The following STXBP6 variants were observed in gnomAD, a reference collection of about 807,000 sequenced individuals.
STXBP6 encodes the protein syntaxin binding protein 6.
STXBP6 carries 21 observed loss-of-function variants against 26.9 expected under a neutral mutation model. That is an observed-to-expected ratio of 0.78 (90% CI 0.55 to 1.12). The LOEUF (loss-of-function observed/expected upper bound fraction) is 1.12. Ranked by LOEUF, STXBP6 falls within the 50% of genes most tolerant of loss-of-function variation. The pLI is 0.00. For synonymous variants in STXBP6, 97 were observed against 92.6 expected (o/e 1.05, Z -0.27); for missense variants, 232 against 257.9 (o/e 0.90, Z 0.69).
At chr14:24,901,004 G>T (rs112863930) in intron 2 of STXBP6, among the ~76,000 whole-genome samples, 1,874 of 152,254 alleles carry the variant, frequency 0.012, 42 homozygotes, top group African/African-American at 0.043. Context: ...GTTACCGCTG[G>T]ACAGACTAAG....
intron 2 of STXBP6, among the ~76,000 whole-genome samples, chr14:24,935,023 G>A (rs534425117): frequency 3.4e-4 from 52 of 152,180 alleles, no homozygotes; most frequent in Non-Finnish European, 6.0e-4. Context: ...GTGGAAGAGG[G>A]GAATACGAAA....
intron 1 of STXBP6, among the ~76,000 whole-genome samples, chr14:24,984,480 A>G (rs1316642899): frequency 2.6e-5 from 4 of 152,214 alleles, no homozygotes; most frequent in Non-Finnish European, 5.9e-5. Flanking sequence ...AAGGCAAGAC[A>G]CTGTGCCCTT....
intron 1 of STXBP6, among the ~76,000 whole-genome samples, chr14:25,036,214 CAAAAAAAAA>C (rs559433301): frequency 5.7e-4 from 46 of 80,720 alleles, no homozygotes; most frequent in South Asian, 4.4e-3. Context: ...AAGACTCCAT[CAAAAAAAAA>C]AAAAAAAAAA....
intron 5 of STXBP6, chr14:24,817,171 T>C (rs1006682587): frequency 2.0e-5 from 3 of 152,178 alleles, no homozygotes; most frequent in Non-Finnish European, 2.9e-5. Context: ...TACTATTCCA[T>C]ATTGCTTTCC....
intron 2 of STXBP6, among the ~76,000 whole-genome samples, chr14:24,860,428 G>T (rs753678167): frequency 6.6e-6 from 1 of 152,026 alleles, no homozygotes; most frequent in Non-Finnish European, 1.5e-5. Context: ...CTCATATACC[G>T]CCAAGATTCA....
At chr14:24,877,349 T>C (rs969744584) in intron 2 of STXBP6, among the ~76,000 whole-genome samples, 2 of 152,146 alleles carry the variant, frequency 1.3e-5, no homozygotes, top group Non-Finnish European at 2.9e-5. Flanking sequence ...AAAAATAACA[T>C]ATTGAGACAT....
intron 2 of STXBP6, among the ~76,000 whole-genome samples, chr14:24,870,445 T>C (rs1301500860): frequency 6.6e-6 from 1 of 152,232 alleles, no homozygotes; most frequent in Non-Finnish European, 1.5e-5. Flanking sequence ...CTTCTGCCTA[T>C]GTAATCAAGG....
At position 24,857,158 on chromosome 14, in the gene STXBP6, C is replaced by T; in HGVS notation, c.155-1G>A. On this transcript the variant is annotated splice_acceptor_variant, in intron 2 of 5. Transcript: ENST00000323944. LOFTEE classifies it high-confidence loss of function. ...GCCTGTGTGGGTTTCTTGTTTGTCA[C>T]TGCCAAGAAAAGATCACTCAGATTA... The T allele has an allele frequency of 1.2e-6, 2 of 1,612,650 alleles. No individual in the cohort carries two copies. The highest frequency in any genetic ancestry group is 1.7e-6 in the Non-Finnish European group (2 of 1,179,014).
intron 2 of STXBP6, among the ~76,000 whole-genome samples, chr14:24,897,200 G>A (rs2071022395): frequency 6.6e-6 from 1 of 151,944 alleles, no homozygotes; most frequent in Non-Finnish European, 1.5e-5. Flanking sequence ...CACGAGGTCA[G>A]GAGATTGAGA....
chr14:24,977,766 A>G (rs1340196040), intron 1 of STXBP6, among the ~76,000 whole-genome samples: 2 of 152,228 alleles, frequency 1.3e-5, no homozygotes, highest in Non-Finnish European at 2.9e-5. Flanking sequence ...GAGTAAATGC[A>G]GCAATCTATA....
At chr14:25,040,401 A>G (rs79774600) in intron 1 of STXBP6, among the ~76,000 whole-genome samples, 9,796 of 152,272 alleles carry the variant, frequency 0.064, 406 homozygotes, top group East Asian at 0.17. Flanking sequence ...AGGCTGCTAC[A>G]TAGTACTGCA....
At chr14:24,916,231 G>C (rs973316919) in intron 2 of STXBP6, among the ~76,000 whole-genome samples, 2 of 151,986 alleles carry the variant, frequency 1.3e-5, no homozygotes, top group African/African-American at 4.8e-5. Context: ...AATGTAACTG[G>C]GCTTAAAGAA....
chr14:24,928,778 G>A (rs2072274706), intron 2 of STXBP6, among the ~76,000 whole-genome samples: 1 of 152,134 alleles, frequency 6.6e-6, no homozygotes, highest in Non-Finnish European at 1.5e-5. Context: ...AGGTACTTGA[G>A]ACCATGCACC....
intron 4 of STXBP6, among the ~76,000 whole-genome samples, chr14:24,820,230 T>G (rs547317626): frequency 1.3e-5 from 2 of 152,360 alleles, no homozygotes; most frequent in East Asian, 3.9e-4. Context: ...GTACCTGGGA[T>G]GGATACATCT....
At chr14:24,819,317 G>A (rs775589865) in intron 4 of STXBP6, 123 bp from the exon 5 acceptor site, 2 of 1,124,072 alleles carry the variant, frequency 1.8e-6, no homozygotes, top group African/African-American at 3.1e-5. Flanking sequence ...CGCTCGTCTA[G>A]TGTCTAGGAA....
At chr14:25,021,222 C>A (rs145951606) in intron 1 of STXBP6, among the ~76,000 whole-genome samples, 4 of 152,260 alleles carry the variant, frequency 2.6e-5, no homozygotes, top group South Asian at 4.2e-4. Context: ...GCATCTTGTT[C>A]TCTCCTTTCA....
chr14:24,938,815 G>C (rs1216952037), intron 2 of STXBP6, among the ~76,000 whole-genome samples: 1 of 152,150 alleles, frequency 6.6e-6, no homozygotes, highest in Non-Finnish European at 1.5e-5. Flanking sequence ...CCACTGGCTA[G>C]ACATTCCTAA....
intron 1 of STXBP6, among the ~76,000 whole-genome samples, chr14:25,045,375 C>A (rs2075709040): frequency 6.6e-6 from 1 of 152,042 alleles, no homozygotes. Flanking sequence ...CTGATTAATA[C>A]CCACCCCAAC....
intron 2 of STXBP6, among the ~76,000 whole-genome samples, chr14:24,889,575 T>TCAA (rs35902359): frequency 6.8e-6 from 1 of 147,382 alleles, no homozygotes; most frequent in Non-Finnish European, 1.5e-5. Context: ...AATAATAAAA[T>TCAA]AAAAAAAGAA....
Sources: gnomAD v4.1 joint callset for allele counts (sites outside exome capture counted in the v4.1 genomes callset) on GRCh38, gnomAD v4.1.1 for gene constraint, MANE v1.5 for transcripts, NCBI Gene and HGNC (gene_info 2026-07-23, HGNC 2026-07-21) for gene names.